KCNH8: variants seen among roughly 807,000 people sequenced by gnomAD.
KCNH8 encodes the protein potassium voltage-gated channel subfamily H member 8.
In KCNH8, 70 loss-of-function variants were observed where a neutral mutation model predicts 103.6. The ratio of observed to expected loss-of-function variants is 0.68; its 90% CI spans 0.56 to 0.82. The LOEUF is 0.82. Among genes scored for constraint, KCNH8 ranks in the 40% least tolerant of loss-of-function variants. The pLI is 0.00. For missense variants in KCNH8, 1,217 were observed against 1,329.9 expected, an observed-to-expected ratio of 0.92 and a Z score of 1.32; for synonymous variants, 498 against 489.4, an observed-to-expected ratio of 1.02 and a Z score of -0.23.
intron 7 of KCNH8, among the ~76,000 whole-genome samples, chr3:19,398,345 C>T (rs982200719): frequency 1.3e-5 from 2 of 151,902 alleles, no homozygotes; most frequent in Non-Finnish European, 1.5e-5. Context: ...TCATCAAAGG[C>T]TTCTCAGAGA....
chr3:19,288,456 C>A (rs1477110987), intron 3 of KCNH8, among the ~76,000 whole-genome samples: 1 of 151,662 alleles, frequency 6.6e-6, no homozygotes, highest in Non-Finnish European at 1.5e-5. Flanking sequence ...GTTCAATTCC[C>A]ACCTATGAGT....
rs78816754 is a variant in KCNH8, at chr3:19,516,388, C to G, written c.2542+960C>G. ...GAAACTAAGGGATACTTGTGAAATTCCTTGATTGGGAGTGTGAAGTGAGGA... is the reference window on the plus strand; with the variant it reads ...GAAACTAAGGGATACTTGTGAAATTGCTTGATTGGGAGTGTGAAGTGAGGA... On this transcript the variant is annotated intron_variant, in intron 14 of 15. Transcript: ENST00000328405. Among the ~76,000 whole-genome samples, 1,037 of 152,088 alleles carry G rather than the reference C, an allele frequency of 6.8e-3. 5 individuals are homozygous for G. Among genetic ancestry groups the G allele is most frequent in the Non-Finnish European group, 0.012 (827 of 67,984 alleles).
At chr3:19,443,449 CAT>C (rs1314791894) in intron 8 of KCNH8, among the ~76,000 whole-genome samples, 10 of 150,344 alleles carry the variant, frequency 6.7e-5, no homozygotes, top group Non-Finnish European at 1.5e-4. Flanking sequence ...TGTATATAAA[CAT>C]AAACTTTATA....
chr3:19,210,462 T>G (rs921869081), intron 1 of KCNH8, among the ~76,000 whole-genome samples: 2 of 152,200 alleles, frequency 1.3e-5, no homozygotes, highest in East Asian at 3.9e-4. Flanking sequence ...GAATAAAGCC[T>G]TCTTTTTGGT....
chr3:19,496,176 T>G (rs1446886871), intron 11 of KCNH8, among the ~76,000 whole-genome samples: 1 of 152,144 alleles, frequency 6.6e-6, no homozygotes, highest in East Asian at 1.9e-4. Context: ...CTTATTTGGA[T>G]GCCTTTTATT....
chr3:19,450,494 T>A (rs2067430974), intron 9 of KCNH8, 189 bp downstream of exon 9: 3 of 593,868 alleles, frequency 5.1e-6, no homozygotes, highest in Non-Finnish European at 9.0e-6. Flanking sequence ...CAATGCCAAT[T>A]TGGATTGACC....
chr3:19,348,567 G>A (rs1018354431), intron 5 of KCNH8, among the ~76,000 whole-genome samples: 6 of 152,044 alleles, frequency 3.9e-5, no homozygotes, highest in African/African-American at 1.4e-4. Flanking sequence ...AATCTTGTAA[G>A]CCTTTTCCTA....
chr3:19,287,047 A>G (rs564162503), intron 3 of KCNH8, among the ~76,000 whole-genome samples: 1 of 152,084 alleles, frequency 6.6e-6, no homozygotes, highest in East Asian at 1.9e-4. Context: ...TCAGGTGATC[A>G]AGAGAGAGTT....
intron 2 of KCNH8, among the ~76,000 whole-genome samples, chr3:19,268,379 G>C (rs1046089742): frequency 2.7e-4 from 41 of 152,066 alleles, no homozygotes; most frequent in Non-Finnish European, 1.9e-4. Flanking sequence ...TAGTCAAAGA[G>C]AGCCACGTAT....
At chr3:19,216,999 T>C (rs758506768) in intron 1 of KCNH8, among the ~76,000 whole-genome samples, 1 of 152,208 alleles carries the variant, frequency 6.6e-6, no homozygotes, top group Non-Finnish European at 1.5e-5. Flanking sequence ...AGAAAAGATA[T>C]TTAACCTCTT....
chr3:19,469,244 A>G (rs1171209865), intron 11 of KCNH8, among the ~76,000 whole-genome samples: 2 of 152,178 alleles, frequency 1.3e-5, no homozygotes, highest in Admixed American at 6.5e-5. Flanking sequence ...CTCAGGCCCA[A>G]CAAGTGTTTT....
chr3:19,216,783 G>A (rs2063822521), intron 1 of KCNH8, among the ~76,000 whole-genome samples: 1 of 152,152 alleles, frequency 6.6e-6, no homozygotes, highest in Non-Finnish European at 1.5e-5. Context: ...TTAGAGCACT[G>A]TTCTCAAGGA....
chr3:19,500,565 A>G (rs2068556804), intron 11 of KCNH8, among the ~76,000 whole-genome samples: 1 of 152,218 alleles, frequency 6.6e-6, no homozygotes, highest in Non-Finnish European at 1.5e-5. Context: ...AAAGAACAGA[A>G]ATTATAACAA....
intron 3 of KCNH8, among the ~76,000 whole-genome samples, chr3:19,300,910 A>AT (rs939933519): frequency 2.0e-5 from 3 of 151,370 alleles, no homozygotes; most frequent in Non-Finnish European, 4.4e-5. Flanking sequence ...CTTTTTTCTT[A>AT]TTTTTTTAAA....
At chr3:19,412,300 T>C (rs575589462) in intron 7 of KCNH8, among the ~76,000 whole-genome samples, 15 of 152,028 alleles carry the variant, frequency 9.9e-5, no homozygotes, top group African/African-American at 2.6e-4. Flanking sequence ...GGGAAAAGAC[T>C]CCCTATTCAG....
intron 1 of KCNH8, among the ~76,000 whole-genome samples, chr3:19,170,161 A>G (rs945899159): frequency 2.0e-5 from 3 of 152,174 alleles, no homozygotes; most frequent in Admixed American, 6.5e-5. Flanking sequence ...CATTTTACAC[A>G]CATGAATATT....
intron 1 of KCNH8, among the ~76,000 whole-genome samples, chr3:19,183,252 C>T (rs9851469): frequency 2.8e-3 from 428 of 152,066 alleles, no homozygotes; most frequent in African/African-American, 9.2e-3. Flanking sequence ...TATTTGTAGA[C>T]GATATCATTG....
intron 2 of KCNH8, among the ~76,000 whole-genome samples, chr3:19,261,883 G>A (rs185773790): frequency 1.7e-4 from 26 of 151,638 alleles, no homozygotes; most frequent in Admixed American, 1.5e-3. Flanking sequence ...ATCCTCTTGT[G>A]TCTTTTTGAT....
intron 1 of KCNH8, among the ~76,000 whole-genome samples, chr3:19,240,547 G>A (rs1559438111): frequency 6.6e-6 from 1 of 151,650 alleles, no homozygotes; most frequent in Non-Finnish European, 1.5e-5. Flanking sequence ...GGGAGGCGGA[G>A]GTTGCGGTGA....
Sources: gnomAD v4.1 joint callset for allele counts (sites outside exome capture counted in the v4.1 genomes callset) on GRCh38, gnomAD v4.1.1 for gene constraint, MANE v1.5 for transcripts, NCBI Gene and HGNC (gene_info 2026-07-23, HGNC 2026-07-21) for gene names.